The following EEF1E1 variants were observed in gnomAD, a reference collection of about 807,000 sequenced individuals.
EEF1E1 encodes eukaryotic translation elongation factor 1 epsilon 1.
EEF1E1 carries 19 observed loss-of-function variants against 19.9 expected under a neutral mutation model. The ratio of observed to expected loss-of-function variants is 0.95; its 90% confidence interval spans 0.66 to 1.40. EEF1E1 has a LOEUF of 1.40. Ranked by LOEUF, EEF1E1 falls within the 40% of genes most tolerant of loss-of-function variation. EEF1E1 has a pLI of 0.00. For missense variants in EEF1E1, 198 were observed against 202.2 expected (o/e 0.98, Z 0.13); for synonymous variants, 81 against 80.0 (o/e 1.01, Z -0.07).
At chr6:8,093,714 C>A (rs891146821) in intron 2 of EEF1E1, among the ~76,000 whole-genome samples, 1 of 151,394 alleles carries the variant, frequency 6.6e-6, no homozygotes, top group Non-Finnish European at 1.5e-5. Context: ...GCAAGGAATA[C>A]ATGTAAGTGA....
intron 1 of EEF1E1, among the ~76,000 whole-genome samples, chr6:8,101,285 G>A (rs1364982267): frequency 2.0e-5 from 2 of 100,206 alleles, no homozygotes; most frequent in Non-Finnish European, 1.8e-5. Context: ...TATATATATG[G>A]CACTCTTCCA....
chr6:8,081,093 G>T (rs1017249129), intron 3 of EEF1E1, among the ~76,000 whole-genome samples: 4 of 152,184 alleles, frequency 2.6e-5, no homozygotes, highest in African/African-American at 7.2e-5. Context: ...TAAAAAGTAG[G>T]CAGTATTTTC....
At chr6:8,097,151 C>G (rs1486977236) in intron 2 of EEF1E1, 116 bp downstream of exon 2, 15 of 1,005,250 alleles carry the variant, frequency 1.5e-5, no homozygotes, top group Non-Finnish European at 2.3e-5. Flanking sequence ...ATGCAAACTA[C>G]TGAGGCAGAA....
chr6:8,075,540 G>A (rs1280929928), downstream of EEF1E1, among the ~76,000 whole-genome samples: 47 of 152,098 alleles, frequency 3.1e-4, no homozygotes, highest in Admixed American at 2.9e-3. Context: ...AAACCACAAT[G>A]TATGCACCTT....
chr6:8,082,628 G>C (rs1242392555), intron 3 of EEF1E1, among the ~76,000 whole-genome samples: 2 of 152,150 alleles, frequency 1.3e-5, no homozygotes. Flanking sequence ...AATATTTTTA[G>C]ATGATCTATT....
At chr6:8,102,374 A>G in intron 1 of EEF1E1, 61 bp downstream of exon 1, 1 of 1,515,882 alleles carries the variant, frequency 6.6e-7, no homozygotes, top group South Asian at 1.2e-5. Context: ...GGGTCCTGCC[A>G]GGGCTCGGCA....
chr6:8,095,979 T>G (rs1165928588), intron 2 of EEF1E1, among the ~76,000 whole-genome samples: 2 of 152,180 alleles, frequency 1.3e-5, no homozygotes, highest in East Asian at 3.9e-4. Context: ...ATATAGTAGG[T>G]GCAGATGAGC....
chr6:8,094,586 A>C (rs1044424351), intron 2 of EEF1E1, among the ~76,000 whole-genome samples: 2 of 151,888 alleles, frequency 1.3e-5, no homozygotes, highest in East Asian at 1.9e-4. Context: ...AAAAAAAAAA[A>C]ATTAGGCTAA....
chr6:8,073,933 T>C (rs1485931221), intron 3 of EEF1E1, among the ~76,000 whole-genome samples: 1 of 152,220 alleles, frequency 6.6e-6, no homozygotes, highest in African/African-American at 2.4e-5. Context: ...CAGAGCTTTA[T>C]TCTGGGTGCC....
Position 8,084,363 on chromosome 6 carries a change from A to G in EEF1E1, c.385-4333T>C, listed in dbSNP as rs575382312. On this transcript the variant is annotated intron_variant, in intron 3 of 3. Transcript: ENST00000379715. The stretch of plus-strand genomic sequence containing the variant: ...GCTAGTGCTATGAATATTTTGCACT[A>G]TAGGATTATGACCTTATTCATTCTG... Among the ~76,000 whole-genome samples, 33 of 152,364 alleles carry G rather than the reference A, an allele frequency of 2.2e-4. 1 individual carries two copies. The highest frequency in any genetic ancestry group is 7.9e-4 in the African/African-American group (33 of 41,590).
chr6:8,097,538 C>T, intron 1 of EEF1E1, 71 bp from the exon 2 acceptor site: 1 of 1,186,366 alleles, frequency 8.4e-7, no homozygotes, highest in Admixed American at 2.5e-5. Context: ...TTCTAAGTAA[C>T]CACGAAATCC....
intron 3 of EEF1E1, 32 bp downstream of exon 3, chr6:8,090,154 G>GA: frequency 5.4e-6 from 8 of 1,482,902 alleles, no homozygotes; most frequent in South Asian, 4.1e-5. Context: ...CAACACTACA[G>GA]AAAAAAAGCC....
chr6:8,101,935 G>C, intron 1 of EEF1E1: 3 of 1,238,050 alleles, frequency 2.4e-6, no homozygotes, highest in Non-Finnish European at 3.2e-6. Context: ...TGCAATGTTT[G>C]TCCACCTGGC....
At chr6:8,076,602 C>A (rs1029267767), downstream of EEF1E1, among the ~76,000 whole-genome samples, 1 of 152,166 alleles carries the variant, frequency 6.6e-6, no homozygotes, top group Admixed American at 6.5e-5. Context: ...GGATTACAGG[C>A]ATGAGCCACC....
chr6:8,079,113 T>C (rs996311461), downstream of EEF1E1, among the ~76,000 whole-genome samples: 1 of 152,206 alleles, frequency 6.6e-6, no homozygotes, highest in African/African-American at 2.4e-5. Context: ...TTAACAGTAG[T>C]CTTTCCATGA....
chr6:8,082,206 C>G (rs1176676691), intron 3 of EEF1E1, among the ~76,000 whole-genome samples: 1 of 152,144 alleles, frequency 6.6e-6, no homozygotes, highest in Non-Finnish European at 1.5e-5. Context: ...AACAGACTCA[C>G]AGTAAAAAAT....
At chr6:8,073,657 T>A in intron 3 of EEF1E1, 1 of 1,182,958 alleles carries the variant, frequency 8.5e-7, no homozygotes, top group South Asian at 1.8e-5. Context: ...CAGATCTTCA[T>A]AACTGAATAC....
At chr6:8,074,504 CAG>C (rs1757547749), downstream of EEF1E1, among the ~76,000 whole-genome samples, 1 of 152,116 alleles carries the variant, frequency 6.6e-6, no homozygotes, top group East Asian at 1.9e-4. Context: ...GCGGAAGAAA[CAG>C]ATAATCAAAA....
intron 2 of EEF1E1, among the ~76,000 whole-genome samples, chr6:8,092,875 T>G (rs1027313118): frequency 4.5e-5 from 6 of 134,596 alleles, no homozygotes; most frequent in African/African-American, 1.5e-4. Flanking sequence ...ACTGCTTTTT[T>G]TTTTTTTTTT....
Sources: gnomAD v4.1 joint callset for allele counts (sites outside exome capture counted in the v4.1 genomes callset) on GRCh38, gnomAD v4.1.1 for gene constraint, MANE v1.5 for transcripts, NCBI Gene and HGNC (gene_info 2026-07-23, HGNC 2026-07-21) for gene names.